The following SNX3 variants were observed in gnomAD, a reference collection of about 807,000 sequenced individuals.
SNX3 encodes sorting nexin-3.
SNX3 carries 5 observed loss-of-function variants against 17.7 expected under a neutral mutation model. That is an observed-to-expected ratio of 0.28 (90% CI 0.15 to 0.59). SNX3 has a LOEUF of 0.59. Ranked by LOEUF, SNX3 falls within the 20% of genes least tolerant of loss-of-function variation. The pLI is 0.88. For synonymous variants in SNX3, 91 were observed against 76.5 expected, an observed-to-expected ratio of 1.19 and a Z score of -0.99; for missense variants, 132 against 206.8, an observed-to-expected ratio of 0.64 and a Z score of 2.22.
At chr6:108,241,535 G>A (rs976050718) in intron 1 of SNX3, among the ~76,000 whole-genome samples, 11 of 151,752 alleles carry the variant, frequency 7.2e-5, no homozygotes, top group African/African-American at 1.9e-4. Context: ...AAGTAGCTAC[G>A]CATAACCTTT....
intron 1 of SNX3, among the ~76,000 whole-genome samples, chr6:108,252,817 T>C (rs1775906361): frequency 6.6e-6 from 1 of 152,096 alleles, no homozygotes; most frequent in African/African-American, 2.4e-5. Context: ...TTTTGTATTT[T>C]AGTAGATATG....
intron 1 of SNX3, among the ~76,000 whole-genome samples, chr6:108,241,207 T>C (rs1775513604): frequency 6.7e-6 from 1 of 148,494 alleles, no homozygotes; most frequent in South Asian, 2.1e-4. Flanking sequence ...CATGCTCAGC[T>C]GGAGAGAACC....
rs1316185295 is a variant in SNX3 at position 108,231,001 on chromosome 6, CA to C, written c.163-7957del. The stretch of plus-strand genomic sequence containing the variant: ...AGATCACCAACATTATCAAAGAAGA[CA>C]GGCAAAAAAAGAGGGTCTCCCTGTG... On this transcript the variant is annotated intron_variant, in intron 1 of 3. Transcript: ENST00000230085. Among the ~76,000 whole-genome samples the C allele has an allele frequency of 3.3e-5, 5 of 151,896 alleles. No homozygotes were observed. In the South Asian group the frequency reaches 8.3e-4, roughly 25 times the overall value.
chr6:108,222,780 C>T (rs940209511), intron 2 of SNX3, among the ~76,000 whole-genome samples, 170 bp downstream of exon 2: 1 of 151,958 alleles, frequency 6.6e-6, no homozygotes, highest in Non-Finnish European at 1.5e-5. Context: ...AGAAAGAGTT[C>T]TAAGGAAAAT....
chr6:108,223,042 T>C lies in SNX3; in HGVS notation c.166A>G (p.Asn56Asp). 1.9e-6 allele frequency: 3 copies of C among 1,588,680 alleles called. No individual in the cohort carries two copies. The highest frequency in any genetic ancestry group is 2.6e-6 in the Non-Finnish European group (3 of 1,161,536). ...TCTTTCAGCTTGAAAATAGGAAGAT[T>C]TGTCTGAAACAAAAAAAGTTAGTCC... ...FTTYEIRVKT[N>D]LPIFKLKEST... Residue 56 changes from asparagine to aspartate, a missense_variant, in exon 2 of 4, where the codon AAT (asparagine) becomes GAT (aspartate). Physicochemically the swap from Asn to Asp is conservative, Grantham distance 23. Transcript: ENST00000230085.
intron 2 of SNX3, among the ~76,000 whole-genome samples, chr6:108,220,176 A>G (rs1198425661): frequency 2.6e-5 from 4 of 152,136 alleles, no homozygotes; most frequent in Admixed American, 2.6e-4. Flanking sequence ...TTGAAGAAAA[A>G]TATTTTATAA....
In SNX3 at chr6:108,259,528, G is replaced by A. The variant is rs138910794; in HGVS notation, c.162+1232C>T. 2.6e-3 allele frequency among the ~76,000 whole-genome samples: 391 copies of A among 152,260 alleles called. 2 individuals are homozygous for A. The South Asian group carries it at 0.027, about 10-fold the overall frequency. On this transcript the variant is annotated intron_variant, in intron 1 of 3. Transcript: ENST00000230085. ...ATTACAGGCATGAGCCACCGCGCCC[G>A]GCCTATGATCCACATTTTACACATC... is the stretch of plus-strand genomic sequence containing the variant.
At chr6:108,258,452 C>A (rs1297142777) in intron 1 of SNX3, among the ~76,000 whole-genome samples, 2 of 142,908 alleles carry the variant, frequency 1.4e-5, no homozygotes, top group African/African-American at 2.8e-5. Context: ...AGCGAGACTC[C>A]GTCTCAAAAA....
chr6:108,242,724 C>CAGT (rs1775557004), intron 1 of SNX3, among the ~76,000 whole-genome samples: 1 of 152,138 alleles, frequency 6.6e-6, no homozygotes, highest in African/African-American at 2.4e-5. Context: ...GTTAAACTCC[C>CAGT]TAATCAGTTT....
chr6:108,256,013 T>C (rs1379712022), intron 1 of SNX3, among the ~76,000 whole-genome samples: 2 of 152,150 alleles, frequency 1.3e-5, no homozygotes, highest in Non-Finnish European at 2.9e-5. Context: ...GAGTATCACT[T>C]GAGCCCAGGA....
At chr6:108,255,286 A>G (rs1775997331) in intron 1 of SNX3, among the ~76,000 whole-genome samples, 1 of 152,204 alleles carries the variant, frequency 6.6e-6, no homozygotes, top group Non-Finnish European at 1.5e-5. Context: ...TCATTGGCCA[A>G]TTGATAGAGC....
intron 1 of SNX3, among the ~76,000 whole-genome samples, chr6:108,236,067 C>G (rs996560024): frequency 6.6e-6 from 1 of 152,132 alleles, no homozygotes. Context: ...ATTTAGAAAT[C>G]TGATAAAATC....
At chr6:108,260,374 G>A (rs1486137962) in intron 1 of SNX3, among the ~76,000 whole-genome samples, 1 of 152,186 alleles carries the variant, frequency 6.6e-6, no homozygotes, top group Non-Finnish European at 1.5e-5. Flanking sequence ...AGAGAAAACT[G>A]GGAAAAGGCT....
At chr6:108,251,916 G>T (rs1283229564) in intron 1 of SNX3, among the ~76,000 whole-genome samples, 1 of 151,762 alleles carries the variant, frequency 6.6e-6, no homozygotes, top group Non-Finnish European at 1.5e-5. Context: ...ACAAAAATTA[G>T]CCAGGCATGG....
At chr6:108,218,827 A>C (rs1020914052) in intron 2 of SNX3, among the ~76,000 whole-genome samples, 2 of 152,244 alleles carry the variant, frequency 1.3e-5, no homozygotes, top group African/African-American at 2.4e-5. Flanking sequence ...AAAGGAGACT[A>C]GCAGGTGGTT....
At chr6:108,244,622 T>C (rs1335972963) in intron 1 of SNX3, among the ~76,000 whole-genome samples, 2 of 150,998 alleles carry the variant, frequency 1.3e-5, no homozygotes, top group East Asian at 3.9e-4. Context: ...TAAAATAATA[T>C]AGTCTATAAG....
At chr6:108,260,650 C>A in intron 1 of SNX3, 110 bp downstream of exon 1, 1 of 1,278,678 alleles carries the variant, frequency 7.8e-7, no homozygotes, top group Non-Finnish European at 1.1e-6. Context: ...TGCAAGGGGG[C>A]TCCCGGCCTG....
chr6:108,232,559 T>G (rs1775200860), intron 1 of SNX3, among the ~76,000 whole-genome samples: 1 of 152,162 alleles, frequency 6.6e-6, no homozygotes, highest in African/African-American at 2.4e-5. Flanking sequence ...TGTGATCACC[T>G]GAATATAGCT....
At chr6:108,242,883 T>G (rs1023231245) in intron 1 of SNX3, among the ~76,000 whole-genome samples, 2 of 152,068 alleles carry the variant, frequency 1.3e-5, no homozygotes, top group Non-Finnish European at 2.9e-5. Flanking sequence ...TCCAAGAAAA[T>G]TAATACTGCC....
Sources: allele counts gnomAD v4.1 joint callset (sites outside exome capture counted in the v4.1 genomes callset), GRCh38; gene constraint gnomAD v4.1.1; transcripts MANE v1.5; gene names NCBI Gene and HGNC (gene_info 2026-07-23, HGNC 2026-07-21).